The following HTR2C variants were observed in gnomAD, a reference collection of about 807,000 sequenced individuals.
HTR2C encodes 5-hydroxytryptamine receptor 2C.
In HTR2C, 5 loss-of-function variants were observed where a neutral mutation model predicts 21.0. The ratio of observed to expected loss-of-function variants is 0.24; its 90% CI spans 0.12 to 0.50. HTR2C has a LOEUF of 0.50. HTR2C is among the 20% of genes least tolerant of loss of function. HTR2C has a pLI of 0.98. For missense variants in HTR2C, 271 were observed against 371.2 expected, an observed-to-expected ratio of 0.73 and a Z score of 2.22; for synonymous variants, 150 against 145.3, an observed-to-expected ratio of 1.03 and a Z score of -0.23.
At chrX:114,723,334 T>C (rs1933302509) in intron 2 of HTR2C, among the ~76,000 whole-genome samples, 1 of 111,712 alleles carries the variant, frequency 9.0e-6, no homozygotes, top group Non-Finnish European at 1.9e-5. Flanking sequence ...TGATGGTAGT[T>C]TGTATTTCTG....
chrX:114,706,741 GA>G (rs1249888706), intron 2 of HTR2C, among the ~76,000 whole-genome samples: 2 of 109,440 alleles, frequency 1.8e-5, no homozygotes, highest in African/African-American at 6.6e-5. Context: ...AAAAAAGAAT[GA>G]AAAAAGTATG....
intron 2 of HTR2C, among the ~76,000 whole-genome samples, chrX:114,632,416 G>T (rs1410258198): frequency 9.0e-6 from 1 of 111,177 alleles, no homozygotes; most frequent in African/African-American, 3.3e-5. Context: ...GGTAGCAAAA[G>T]AATGTACACA....
intron 4 of HTR2C, among the ~76,000 whole-genome samples, chrX:114,752,925 A>G (rs1291388455): frequency 9.0e-6 from 1 of 111,730 alleles, no homozygotes; most frequent in Non-Finnish European, 1.9e-5. Context: ...GATAACTATT[A>G]AAAATACATG....
intron 4 of HTR2C, among the ~76,000 whole-genome samples, chrX:114,738,946 A>G (rs2069617664): frequency 9.0e-6 from 1 of 110,582 alleles, no homozygotes; most frequent in Non-Finnish European, 1.9e-5. Flanking sequence ...ATAAGCACAT[A>G]TTAAAAATTA....
At chrX:114,862,361 A>G (rs2071013002) in intron 5 of HTR2C, among the ~76,000 whole-genome samples, 1 of 110,355 alleles carries the variant, frequency 9.1e-6, no homozygotes, top group Non-Finnish European at 1.9e-5. Flanking sequence ...TTCTGCCTGG[A>G]CCATACGATA....
chrX:114,662,892 A>G (rs2147842911), intron 2 of HTR2C, among the ~76,000 whole-genome samples: 1 of 112,116 alleles, frequency 8.9e-6, no homozygotes, highest in Admixed American at 9.5e-5. Context: ...TAAGTAACAG[A>G]AAATCATGAT....
At chrX:114,726,328 A>C (rs1556422012) in intron 2 of HTR2C, among the ~76,000 whole-genome samples, 1 of 112,061 alleles carries the variant, frequency 8.9e-6, no homozygotes, top group Non-Finnish European at 1.9e-5. Flanking sequence ...GAACTCCCTG[A>C]CCCCTTGCAC....
At chrX:114,818,142 A>T in intron 4 of HTR2C, among the ~76,000 whole-genome samples, 1 of 111,988 alleles carries the variant, frequency 8.9e-6, no homozygotes, top group Non-Finnish European at 1.9e-5. Context: ...AAAATCCAAT[A>T]CACTTTCATG....
chrX:114,688,567 T>G (rs1459094478), intron 2 of HTR2C, among the ~76,000 whole-genome samples: 1 of 111,916 alleles, frequency 8.9e-6, no homozygotes, highest in Admixed American at 9.5e-5. Context: ...TACCTGGGAT[T>G]AGAAAACTAT....
At chrX:114,888,320 T>C (rs1556482095) in intron 5 of HTR2C, among the ~76,000 whole-genome samples, 2 of 111,639 alleles carry the variant, frequency 1.8e-5, no homozygotes, top group Admixed American at 9.6e-5. Context: ...CATGAACCCC[T>C]GTCTTATCAG....
intron 4 of HTR2C, among the ~76,000 whole-genome samples, chrX:114,841,671 G>A (rs2070835098): frequency 1.8e-5 from 2 of 110,370 alleles, no homozygotes; most frequent in South Asian, 7.8e-4. Flanking sequence ...AACCCGGAAG[G>A]CAGAGCTTGC....
chrX:114,806,749 T>TACACACCATATATATAC (rs199709175), intron 4 of HTR2C, among the ~76,000 whole-genome samples: 1 of 12,369 alleles, frequency 8.1e-5, no homozygotes, highest in East Asian at 0.062. Flanking sequence ...ACCATATATA[T>TACACACCATATATATAC]ACACCATATA....
chrX:114,856,392 C>A lies in HTR2C; in HGVS notation c.550+8189C>A, dbSNP rs888480602. Among the ~76,000 whole-genome samples the A allele has an allele frequency of 3.0e-5, 3 of 100,550 alleles. No homozygotes were observed. The South Asian group carries it at 1.5e-3, about 51-fold the overall frequency. The allele number at this position is 100,550 out of a possible 115,157, so 87.3% of individuals were successfully genotyped here. On this transcript the variant is annotated intron_variant, in intron 5 of 5. Transcript: ENST00000276198. ...AATCAATATCGTGAAAATGGCCATA[C>A]TGCCCAAGGTAATTTACAGATTCAA...
At chrX:114,633,817 ATG>A (rs1353364649) in intron 2 of HTR2C, among the ~76,000 whole-genome samples, 9 of 107,932 alleles carry the variant, frequency 8.3e-5, no homozygotes, top group East Asian at 5.8e-4. Flanking sequence ...ACACATATAT[ATG>A]TGTGTGTGTG....
intron 3 of HTR2C, among the ~76,000 whole-genome samples, chrX:114,728,310 T>C (rs1331159688): frequency 9.0e-6 from 1 of 111,519 alleles, no homozygotes; most frequent in Non-Finnish European, 1.9e-5. Flanking sequence ...ATGAGATTCC[T>C]ATGAGCTTAA....
chrX:114,691,351 C>T (rs1417197910), intron 2 of HTR2C, among the ~76,000 whole-genome samples: 1 of 111,004 alleles, frequency 9.0e-6, no homozygotes, highest in Non-Finnish European at 1.9e-5. Context: ...GTGATGAAGC[C>T]CACTTATCAT....
rs150980769 is a variant in HTR2C, at chrX:114,765,988, C to T, written c.349+34381C>T. Among the ~76,000 whole-genome samples the T allele has an allele frequency of 1.1e-3, 121 of 111,383 alleles. 1 individual carries two copies. The highest frequency in any genetic ancestry group is 1.8e-3 in the Admixed American group (19 of 10,416). On this transcript the variant is annotated intron_variant, in intron 4 of 5. Coordinates refer to ENST00000276198, the MANE Select transcript of HTR2C (RefSeq NM_000868.4). ...GACTTGAAGGATTTTCATACTCATA[C>T]GCTTCCAAAGACAAAAGCAAGATAA...
chrX:114,778,940 CA>C (rs2070087455), intron 4 of HTR2C, among the ~76,000 whole-genome samples: 2 of 110,983 alleles, frequency 1.8e-5, no homozygotes, highest in Non-Finnish European at 3.8e-5. Flanking sequence ...TCTTCATAAA[CA>C]AAAGAAATGA....
intron 2 of HTR2C, among the ~76,000 whole-genome samples, chrX:114,635,109 T>C (rs782671851): frequency 1.9e-5 from 2 of 103,792 alleles, no homozygotes; most frequent in Admixed American, 1.1e-4. Context: ...CTAAATTATA[T>C]ACTCATTCTG....
Sources: gnomAD v4.1 joint callset for allele counts (sites outside exome capture counted in the v4.1 genomes callset) on GRCh38, gnomAD v4.1.1 for gene constraint, MANE v1.5 for transcripts, NCBI Gene and HGNC (gene_info 2026-07-23, HGNC 2026-07-21) for gene names.